Variants in SHANK2 observed in about 807,000 individuals in gnomAD.
SHANK2 encodes SH3 and multiple ankyrin repeat domains protein 2.
In SHANK2, 43 loss-of-function variants were observed where a neutral mutation model predicts 133.7. The observed-to-expected ratio is 0.32, with a 90% CI of 0.25 to 0.41. SHANK2 has a LOEUF of 0.41. Ranked by LOEUF, SHANK2 falls within the 10% of genes least tolerant of loss-of-function variation. The probability of loss-of-function intolerance (pLI) is 1.00; values close to 1 mark genes in which losing one functional copy is unlikely to be tolerated. For synonymous variants in SHANK2, 1,017 were observed against 952.8 expected, an observed-to-expected ratio of 1.07 and a Z score of -1.24; for missense variants, 1,994 against 2,235.8, an observed-to-expected ratio of 0.89 and a Z score of 2.18.
At chr11:70,482,603 A>G (rs2058750107) in intron 25 of SHANK2, among the ~76,000 whole-genome samples, 1 of 152,146 alleles carries the variant, frequency 6.6e-6, no homozygotes, top group Admixed American at 6.5e-5. Flanking sequence ...GGGAAAAATT[A>G]CAGGCCCTGG....
chr11:70,820,810 T>G (rs1167026829), intron 11 of SHANK2, 128 bp from the exon 12 acceptor site: 1 of 555,432 alleles, frequency 1.8e-6, no homozygotes, highest in Non-Finnish European at 3.2e-6. Context: ...AGGGGAGCTG[T>G]GAGTTCTGGG....
chr11:71,195,995 AAC>A (rs1481365703), intron 2 of SHANK2, among the ~76,000 whole-genome samples: 1 of 152,104 alleles, frequency 6.6e-6, no homozygotes, highest in Non-Finnish European at 1.5e-5. Flanking sequence ...CAGCCTGAGC[AAC>A]ATAGCGAGAC....
intron 8 of SHANK2, among the ~76,000 whole-genome samples, chr11:71,076,514 CAAAAACAAAAAACG>C (rs1261325533): frequency 6.7e-6 from 1 of 149,268 alleles, no homozygotes; most frequent in African/African-American, 2.5e-5. Context: ...AAAAAACAAA[CAAAAACAAAAAACG>C]AAAAACAAAA....
At chr11:70,896,371 CTA>C (rs1447454426) in intron 11 of SHANK2, 128 bp downstream of exon 11, 27 of 598,102 alleles carry the variant, frequency 4.5e-5, no homozygotes, top group Admixed American at 1.5e-4. Context: ...TGGGCTAATA[CTA>C]TGTTAAGTTT....
chr11:71,126,348 T>C (rs1952186646), intron 3 of SHANK2, among the ~76,000 whole-genome samples: 1 of 152,164 alleles, frequency 6.6e-6, no homozygotes, highest in South Asian at 2.1e-4. Flanking sequence ...AAGCCCACTG[T>C]TGAGACCTAA....
chr11:70,584,612 C>T (rs1445057136), intron 17 of SHANK2, among the ~76,000 whole-genome samples: 1 of 152,182 alleles, frequency 6.6e-6, no homozygotes, highest in East Asian at 1.9e-4. Context: ...AACCCACTTA[C>T]ACTGCCTACT....
intron 15 of SHANK2, among the ~76,000 whole-genome samples, chr11:70,670,367 G>A (rs1944773665): frequency 1.3e-5 from 2 of 152,244 alleles, no homozygotes; most frequent in South Asian, 2.1e-4. Flanking sequence ...TAAGCAGAGA[G>A]CTTTCAGCAG....
chr11:70,640,276 T>C (rs2061159741), intron 17 of SHANK2, among the ~76,000 whole-genome samples: 1 of 152,176 alleles, frequency 6.6e-6, no homozygotes, highest in South Asian at 2.1e-4. Flanking sequence ...AGTGTCTTTA[T>C]AAGAGAGAGG....
At chr11:70,541,667 G>A (rs868957862) in intron 17 of SHANK2, among the ~76,000 whole-genome samples, 4 of 152,366 alleles carry the variant, frequency 2.6e-5, no homozygotes, top group Non-Finnish European at 2.9e-5. Flanking sequence ...CGGGGGAAAC[G>A]GTGCCCCCCA....
intron 10 of SHANK2, among the ~76,000 whole-genome samples, chr11:70,938,895 T>C (rs1435940874): frequency 6.6e-6 from 1 of 152,120 alleles, no homozygotes; most frequent in African/African-American, 2.4e-5. Flanking sequence ...GCGGGGCAGC[T>C]GCAGGGAGTG....
At chr11:71,226,607 G>C (rs1408227263) in intron 1 of SHANK2, 2 of 152,126 alleles carry the variant, frequency 1.3e-5, no homozygotes, top group Non-Finnish European at 2.9e-5. Flanking sequence ...AAGTGGCACA[G>C]TAATTTTCAA....
chr11:70,743,646 C>T (rs1431796088), intron 14 of SHANK2, among the ~76,000 whole-genome samples: 4 of 152,136 alleles, frequency 2.6e-5, no homozygotes, highest in South Asian at 2.1e-4. Context: ...CTCTATAGAG[C>T]GACGACAGCA....
intron 3 of SHANK2, among the ~76,000 whole-genome samples, chr11:71,145,792 C>A (rs1340749183): frequency 1.1e-5 from 1 of 95,112 alleles, no homozygotes; most frequent in African/African-American, 4.7e-5. Flanking sequence ...GTGGCTGGGG[C>A]CGGGAGACTG....
intron 2 of SHANK2, among the ~76,000 whole-genome samples, chr11:71,223,114 G>C (rs373600116): frequency 3.9e-5 from 6 of 152,232 alleles, no homozygotes; most frequent in African/African-American, 1.4e-4. Flanking sequence ...AACATGGGGA[G>C]GGAGAGAGTC....
In SHANK2 at chr11:70,538,955, T is replaced by TCGG. The variant is rs1554974658; in HGVS notation, c.2062-36025_2062-36024insCCG. On this transcript the variant is annotated intron_variant, in intron 17 of 25. Transcript: ENST00000601538. ...AGAAGAGGACGTGGGCTAGGAAGCC[T>TCGG]CCTGGGTTACCCCGTCGGCCGCCAC... Among the ~76,000 whole-genome samples the TCGG allele has an allele frequency of 1.8e-4, 27 of 152,292 alleles. No homozygotes were observed. The East Asian group carries it at 5.0e-3, about 28-fold the overall frequency.
chr11:70,913,531 G>T (rs1413136045), intron 10 of SHANK2, among the ~76,000 whole-genome samples: 2 of 152,156 alleles, frequency 1.3e-5, no homozygotes, highest in Non-Finnish European at 2.9e-5. Context: ...GAAAGGAGAA[G>T]GGAGGGAGAC....
At chr11:70,556,567 C>T (rs1483929594) in intron 17 of SHANK2, among the ~76,000 whole-genome samples, 3 of 149,988 alleles carry the variant, frequency 2.0e-5, no homozygotes, top group South Asian at 4.3e-4. Flanking sequence ...AGGGACCCAC[C>T]GCCATGCCCA....
intron 14 of SHANK2, among the ~76,000 whole-genome samples, chr11:70,722,098 C>T (rs1308662833): frequency 2.0e-5 from 3 of 152,232 alleles, no homozygotes; most frequent in Non-Finnish European, 2.9e-5. Flanking sequence ...CTTTGTCATG[C>T]CATCCTCTCC....
chr11:71,139,015 A>C (rs1450441684), intron 3 of SHANK2, among the ~76,000 whole-genome samples: 11 of 151,966 alleles, frequency 7.2e-5, no homozygotes, highest in South Asian at 2.1e-4. Context: ...GCTGAGTGAC[A>C]ATGCATGGTC....
Sources: gnomAD v4.1 joint callset for allele counts (sites outside exome capture counted in the v4.1 genomes callset) on GRCh38, gnomAD v4.1.1 for gene constraint, MANE v1.5 for transcripts, NCBI Gene and HGNC (gene_info 2026-07-23, HGNC 2026-07-21) for gene names.